RB1: variants seen among roughly 807,000 people sequenced by gnomAD.
The protein encoded by RB1 is retinoblastoma-associated protein.
RB1 carries 18 observed loss-of-function variants against 135.4 expected under a neutral mutation model. That is an observed-to-expected ratio of 0.13 (90% CI 0.09 to 0.20). RB1 has a LOEUF of 0.20. Ranked by LOEUF, RB1 falls within the 10% of genes least tolerant of loss-of-function variation. The pLI, the probability that RB1 is intolerant of heterozygous loss-of-function variation, is 1.00. For synonymous variants in RB1, 365 were observed against 373.2 expected (o/e 0.98, Z 0.25); for missense variants, 868 against 1,110.0 (o/e 0.78, Z 3.10).
chr13:48,393,656 C>T (rs1864916246), intron 17 of RB1, among the ~76,000 whole-genome samples: 1 of 152,102 alleles, frequency 6.6e-6, no homozygotes, highest in Non-Finnish European at 1.5e-5. Context: ...TTTAGGGTAT[C>T]ATTTCCGCTT....
intron 12 of RB1, 73 bp from the exon 13 acceptor site, chr13:48,376,845 A>G (rs1952829537): frequency 6.2e-7 from 1 of 1,602,724 alleles, no homozygotes; most frequent in Admixed American, 1.7e-5. Flanking sequence ...AAAGTCATAT[A>G]TTATGGAGCA....
chr13:48,457,292 A>G (rs928898593), intron 19 of RB1, among the ~76,000 whole-genome samples: 2 of 152,086 alleles, frequency 1.3e-5, no homozygotes, highest in African/African-American at 4.8e-5. Context: ...TCTCAGCAGA[A>G]AGGGTAGCTC....
chr13:48,349,761 A>G (rs1253996565), intron 6 of RB1, among the ~76,000 whole-genome samples: 1 of 152,120 alleles, frequency 6.6e-6, no homozygotes, highest in Non-Finnish European at 1.5e-5. Flanking sequence ...GAATGATGGA[A>G]AAACAAGACT....
Position 48,364,939 on chromosome 13 carries a change from C to T in RB1, c.907C>T (p.Leu303Phe). The change falls in exon 9 of 27, where the codon CTT becomes TTT. Residue 303 changes from leucine (L) to phenylalanine (F), a missense_variant. This residue lies in a region of RB1 where 641 missense variants were observed against 791.3 expected (regional missense o/e 0.81). Transcript: ENST00000267163. ...FKNFIPFMNS[L>F]GLVTSNGLPE... is the part of the protein sequence containing the mutation. ...AAATTTTATACCTTTTATGAATTCT[C>T]TTGGACTTGTAACATCTAATGGACT... 6.4e-7 allele frequency: 1 copy of T among 1,571,098 alleles called. No individual in the cohort carries two copies.
At chr13:48,395,333 C>A (rs1236390917) in intron 17 of RB1, among the ~76,000 whole-genome samples, 1 of 152,070 alleles carries the variant, frequency 6.6e-6, no homozygotes, top group Non-Finnish European at 1.5e-5. Context: ...AACCAGAGCG[C>A]CTTTTCTCTT....
At chr13:48,417,978 T>C (rs171991) in intron 17 of RB1, among the ~76,000 whole-genome samples, 137,896 of 152,180 alleles carry the variant, frequency 0.91, 63,498 homozygotes, top group East Asian at 1. Flanking sequence ...TCCAGGAGAA[T>C]TTCCCCAACC....
At chr13:48,458,464 T>C (rs2138334410) in intron 19 of RB1, among the ~76,000 whole-genome samples, 1 of 152,336 alleles carries the variant, frequency 6.6e-6, no homozygotes, top group South Asian at 2.1e-4. Context: ...TACAGGCATA[T>C]TGTCAGATAT....
At chr13:48,457,448 C>T (rs1050075796) in intron 19 of RB1, among the ~76,000 whole-genome samples, 2 of 152,164 alleles carry the variant, frequency 1.3e-5, no homozygotes, top group African/African-American at 4.8e-5. Context: ...AAGTGTGCAC[C>T]GATTGGTACA....
rs534462742 is a variant in RB1 at position 48,344,749 on chromosome 13, A to G, written c.381-331A>G. On this transcript the variant is annotated intron_variant, in intron 3 of 26. Transcript: ENST00000267163. ...AAAGGGAAACACTAAAATGAAGCATATGGTTTTATATTGGAATTGGATGAA... is the reference window on the plus strand; with the variant it reads ...AAAGGGAAACACTAAAATGAAGCATGTGGTTTTATATTGGAATTGGATGAA... 3.3e-5 allele frequency among the ~76,000 whole-genome samples: 5 copies of G among 152,306 alleles called. No individual in the cohort carries two copies. In the East Asian group the frequency reaches 9.6e-4, roughly 29 times the overall value.
intron 6 of RB1, among the ~76,000 whole-genome samples, chr13:48,356,236 C>G: frequency 6.6e-6 from 1 of 151,964 alleles, no homozygotes; most frequent in Non-Finnish European, 1.5e-5. Context: ...AATTGTCATT[C>G]CAGATATCTT....
intron 2 of RB1, chr13:48,333,333 A>G (rs1338275610): frequency 1.2e-5 from 4 of 327,760 alleles, no homozygotes; most frequent in Non-Finnish European, 2.2e-5. Flanking sequence ...TCCTTACTCA[A>G]TGGTTTTCAA....
intron 11 of RB1, among the ~76,000 whole-genome samples, chr13:48,373,070 GTAA>G (rs1952778561): frequency 6.6e-6 from 1 of 152,060 alleles, no homozygotes; most frequent in South Asian, 2.1e-4. Flanking sequence ...ATATTTGGTT[GTAA>G]TAATGTTTTC....
chr13:48,412,347 A>G, intron 17 of RB1: 1 of 1,613,590 alleles, frequency 6.2e-7, no homozygotes, highest in Non-Finnish European at 8.5e-7. Context: ...CACAAACACC[A>G]TGCTGAACAT....
chr13:48,364,869 C>A, intron 8 of RB1, 25 bp from the exon 9 acceptor site: 1 of 1,544,840 alleles, frequency 6.5e-7, no homozygotes, highest in South Asian at 1.2e-5. Flanking sequence ...TTTTAATGAT[C>A]ATGTTGTAAC....
chr13:48,375,577 T>C, intron 12 of RB1, among the ~76,000 whole-genome samples: 1 of 146,696 alleles, frequency 6.8e-6, no homozygotes, highest in African/African-American at 2.6e-5. Flanking sequence ...TATTTTTATT[T>C]ATATATATAT....
In RB1 at chr13:48,303,785, C is replaced by T; in HGVS notation, c.-128C>T. On this transcript the variant is annotated 5_prime_UTR_variant, in exon 1 of 27. Transcript: ENST00000267163. ...GCGGGGGAGGGCGCGTCCGGTTTTT[C>T]TCAGGGGACGTTGAAATTATTTTTG... is the stretch of plus-strand genomic sequence containing the variant. The T allele has an allele frequency of 7.2e-7, 1 of 1,390,408 alleles. No individual in the cohort carries two copies. Among genetic ancestry groups the T allele is most frequent in the African/African-American group, 1.5e-5 (1 of 66,000 alleles). 86.1% of individuals were successfully genotyped at this position (1,390,408 alleles called of 1,614,324 possible). A position where few individuals can be genotyped will look rare whatever the true frequency, so the allele number is the denominator to read the frequency against.
At chr13:48,353,749 C>T (rs371267075) in intron 6 of RB1, among the ~76,000 whole-genome samples, 4 of 151,994 alleles carry the variant, frequency 2.6e-5, no homozygotes, top group East Asian at 1.9e-4. Flanking sequence ...TTCATTATGT[C>T]GCAGTGGGAT....
At chr13:48,479,689 T>A (rs1443645217) in intron 26 of RB1, among the ~76,000 whole-genome samples, 1 of 152,062 alleles carries the variant, frequency 6.6e-6, no homozygotes, top group Non-Finnish European at 1.5e-5. Flanking sequence ...TAGTTATACA[T>A]ATTTTAGGGG....
At chr13:48,307,206 A>G in intron 1 of RB1, 74 bp from the exon 2 acceptor site, 1 of 1,288,328 alleles carries the variant, frequency 7.8e-7, no homozygotes, top group Non-Finnish European at 1.1e-6. Context: ...TGTGCAAACT[A>G]TTGAAACAAG....
Sources: allele counts gnomAD v4.1 joint callset (sites outside exome capture counted in the v4.1 genomes callset), GRCh38; gene constraint gnomAD v4.1.1; regional missense constraint gnomAD v4.1.1; transcripts MANE v1.5; gene names NCBI Gene and HGNC (gene_info 2026-07-23, HGNC 2026-07-21).